The following PLPPR1 variants were observed in gnomAD, a reference collection of about 807,000 sequenced individuals.
PLPPR1 encodes phospholipid phosphatase-related protein type 1.
A neutral mutation model predicts 33.1 loss-of-function variants in PLPPR1; 10 were observed. The observed-to-expected ratio is 0.30, with a 90% CI of 0.19 to 0.51. PLPPR1 has a LOEUF of 0.51. Ranked by LOEUF, PLPPR1 falls within the 20% of genes least tolerant of loss-of-function variation. PLPPR1 has a pLI of 0.97. For missense variants in PLPPR1, 304 were observed against 408.1 expected (o/e 0.74, Z 2.20); for synonymous variants, 151 against 151.0 (o/e 1.00, Z 0.00).
intron 1 of PLPPR1, among the ~76,000 whole-genome samples, chr9:101,148,959 T>A (rs1831552305): frequency 6.6e-6 from 1 of 152,172 alleles, no homozygotes; most frequent in African/African-American, 2.4e-5. Context: ...TTATTAGCAC[T>A]CTCTTCCCCA....
At chr9:101,050,571 G>GA (rs1830210840) in intron 1 of PLPPR1, among the ~76,000 whole-genome samples, 1 of 152,142 alleles carries the variant, frequency 6.6e-6, no homozygotes, top group Non-Finnish European at 1.5e-5. Context: ...ACAGCATCTG[G>GA]GACAGGGAGT....
At chr9:101,067,453 A>AT (rs1441775830) in intron 1 of PLPPR1, among the ~76,000 whole-genome samples, 1 of 152,046 alleles carries the variant, frequency 6.6e-6, no homozygotes. Context: ...ATGGTTAAAA[A>AT]ATATATATAA....
intron 2 of PLPPR1, among the ~76,000 whole-genome samples, chr9:101,188,679 T>A (rs1266029421): frequency 5.3e-5 from 8 of 152,118 alleles, no homozygotes; most frequent in Non-Finnish European, 7.4e-5. Context: ...TTTGGATTAC[T>A]TAATTTGGTT....
At chr9:101,294,541 C>T (rs1326232177) in intron 4 of PLPPR1, among the ~76,000 whole-genome samples, 9 of 150,260 alleles carry the variant, frequency 6.0e-5, no homozygotes, top group Admixed American at 1.3e-4. Context: ...AACATTGATG[C>T]AAAAATCCTC....
At chr9:101,054,313 C>T (rs558675736) in intron 1 of PLPPR1, among the ~76,000 whole-genome samples, 1 of 152,162 alleles carries the variant, frequency 6.6e-6, no homozygotes, top group East Asian at 1.9e-4. Context: ...CTTAATACCC[C>T]AAGTAGCCTG....
chr9:101,238,213 T>C (rs1268938542), intron 2 of PLPPR1, among the ~76,000 whole-genome samples: 1 of 137,184 alleles, frequency 7.3e-6, no homozygotes, highest in Non-Finnish European at 1.6e-5. Context: ...TATATATACC[T>C]ATATATATAC....
intron 2 of PLPPR1, among the ~76,000 whole-genome samples, chr9:101,241,442 C>T (rs1311674626): frequency 6.6e-6 from 1 of 152,076 alleles, no homozygotes; most frequent in Non-Finnish European, 1.5e-5. Context: ...AAAATCACAA[C>T]AAAATCTCAT....
chr9:101,070,570 T>C (rs1160878853), intron 1 of PLPPR1, among the ~76,000 whole-genome samples: 1 of 152,106 alleles, frequency 6.6e-6, no homozygotes, highest in African/African-American at 2.4e-5. Context: ...GACTAAGGAT[T>C]GAGCACTGGC....
intron 2 of PLPPR1, chr9:101,187,395 T>G (rs1402964218): frequency 6.6e-6 from 1 of 151,900 alleles, no homozygotes; most frequent in Non-Finnish European, 1.5e-5. Flanking sequence ...GGAGATAAAT[T>G]AGTTCTTCTG....
intron 1 of PLPPR1, among the ~76,000 whole-genome samples, chr9:101,137,999 A>C (rs1831399184): frequency 6.6e-6 from 1 of 152,210 alleles, no homozygotes. Context: ...GGCTACCTAC[A>C]CAGCACAGAG....
At position 101,288,858 on chromosome 9, in the gene PLPPR1, T is replaced by C. The variant is rs568556687; in HGVS notation, c.385+2622T>C. 1.6e-3 allele frequency among the ~76,000 whole-genome samples: 246 copies of C among 152,342 alleles called. 1 individual carries two copies. Among genetic ancestry groups the C allele is most frequent in the Non-Finnish European group, 2.9e-3 (198 of 68,028 alleles). ...TGTCTCCCTATATCTTGTTTTGCAA[T>C]ATCATTGCATTCACCCCAGCCCCAC... is the stretch of plus-strand genomic sequence containing the variant. On this transcript the variant is annotated intron_variant, in intron 4 of 7. Transcript: ENST00000374874.
intron 1 of PLPPR1, among the ~76,000 whole-genome samples, chr9:101,182,571 A>T: frequency 6.6e-6 from 1 of 151,770 alleles, no homozygotes; most frequent in East Asian, 1.9e-4. Flanking sequence ...GGGTGAAAAA[A>T]TATTTTGGAA....
At chr9:101,243,326 T>C (rs1415802416) in intron 2 of PLPPR1, among the ~76,000 whole-genome samples, 1 of 151,978 alleles carries the variant, frequency 6.6e-6, no homozygotes, top group Non-Finnish European at 1.5e-5. Context: ...GCAAATGGAC[T>C]CTTCTGGACC....
intron 2 of PLPPR1, among the ~76,000 whole-genome samples, chr9:101,232,829 C>G (rs1350065097): frequency 6.6e-6 from 1 of 151,974 alleles, no homozygotes; most frequent in Non-Finnish European, 1.5e-5. Flanking sequence ...GGTATAAAGG[C>G]ACTCAACATT....
At chr9:101,081,547 C>T (rs1391266670) in intron 1 of PLPPR1, among the ~76,000 whole-genome samples, 1 of 152,166 alleles carries the variant, frequency 6.6e-6, no homozygotes, top group Admixed American at 6.5e-5. Context: ...AATCTATTTC[C>T]TCCCCTCTAG....
At chr9:101,247,992 G>C (rs1827645577) in intron 2 of PLPPR1, among the ~76,000 whole-genome samples, 1 of 151,924 alleles carries the variant, frequency 6.6e-6, no homozygotes, top group Non-Finnish European at 1.5e-5. Context: ...TCAGGAAAAG[G>C]GTGGCCTAAG....
chr9:101,303,023 G>A (rs12338304), intron 4 of PLPPR1, among the ~76,000 whole-genome samples: 1 of 152,158 alleles, frequency 6.6e-6, no homozygotes. Context: ...GTCTCGCTCT[G>A]TTGCCCAGGC....
intron 1 of PLPPR1, among the ~76,000 whole-genome samples, chr9:101,170,162 A>G (rs891582368): frequency 2.6e-5 from 4 of 152,148 alleles, no homozygotes; most frequent in African/African-American, 9.7e-5. Flanking sequence ...CAAGACAAAC[A>G]TGGTCCTGGC....
At chr9:101,045,046 G>A (rs937051168) in intron 1 of PLPPR1, among the ~76,000 whole-genome samples, 1 of 152,136 alleles carries the variant, frequency 6.6e-6, no homozygotes, top group Non-Finnish European at 1.5e-5. Flanking sequence ...AGGGTCAAGG[G>A]AGCAGGGGTC....
Sources: allele counts gnomAD v4.1 joint callset (sites outside exome capture counted in the v4.1 genomes callset), GRCh38; gene constraint gnomAD v4.1.1; transcripts MANE v1.5; gene names NCBI Gene and HGNC (gene_info 2026-07-23, HGNC 2026-07-21).